Variants in PRIMA1 observed in about 807,000 individuals in gnomAD.
PRIMA1 encodes the protein proline-rich membrane anchor 1.
Under a neutral mutation model 17.5 loss-of-function variants are expected in PRIMA1, and 7 were observed. The observed-to-expected ratio is 0.40, with a 90% CI of 0.23 to 0.75. The LOEUF (loss-of-function observed/expected upper bound fraction) is 0.75. Among genes scored for constraint, PRIMA1 ranks in the 30% least tolerant of loss-of-function variants. The probability of loss-of-function intolerance (pLI) is 0.37; values close to 1 mark genes in which losing one functional copy is unlikely to be tolerated. For missense variants in PRIMA1, 200 were observed against 201.8 expected, an observed-to-expected ratio of 0.99 and a Z score of 0.05; for synonymous variants, 97 against 77.9, an observed-to-expected ratio of 1.25 and a Z score of -1.29.
chr14:93,757,202 G>GGAAGGAA (rs1456428337), intron 3 of PRIMA1, among the ~76,000 whole-genome samples: 10 of 107,144 alleles, frequency 9.3e-5, no homozygotes, highest in African/African-American at 6.1e-4. Flanking sequence ...TTTAAAAAAA[G>GGAAGGAA]GAAGGAAGGA....
Position 93,787,859 on chromosome 14 carries a change from G to A in PRIMA1, c.-31-110C>T, listed in dbSNP as rs1461023964. The A allele has an allele frequency of 6.1e-6, 8 of 1,314,140 alleles. No individual in the cohort carries two copies. The East Asian group carries it at 1.0e-4, about 17-fold the overall frequency. The allele number at this position is 1,314,140 out of a possible 1,614,324, so 81.4% of individuals were successfully genotyped here. On this transcript the variant is annotated intron_variant, in intron 1 of 4. Transcript: ENST00000393140. Reference sequence around the variant, plus strand: ...CGGACGGGCACGCCCCGCACCCAGGGGCACCCTAGTAAACCAAGCCTGCAC... The same window carrying A: ...CGGACGGGCACGCCCCGCACCCAGGAGCACCCTAGTAAACCAAGCCTGCAC...
At chr14:93,759,537 A>G (rs1000647056) in intron 3 of PRIMA1, among the ~76,000 whole-genome samples, 18 of 151,880 alleles carry the variant, frequency 1.2e-4, no homozygotes, top group African/African-American at 4.4e-4. Context: ...GTGCATGTGT[A>G]TTGTGTGTGC....
At chr14:93,723,981 C>T (rs1028543431) in intron 4 of PRIMA1, among the ~76,000 whole-genome samples, 1 of 152,194 alleles carries the variant, frequency 6.6e-6, no homozygotes, top group African/African-American at 2.4e-5. Flanking sequence ...CACTCCTGAG[C>T]TCAAGTGATC....
chr14:93,735,975 C>T (rs1353036349), intron 4 of PRIMA1, among the ~76,000 whole-genome samples: 2 of 152,236 alleles, frequency 1.3e-5, no homozygotes, highest in Admixed American at 6.5e-5. Flanking sequence ...AGGCGTGAGC[C>T]ACCACACCTG....
At chr14:93,756,765 C>T (rs934301420) in intron 3 of PRIMA1, among the ~76,000 whole-genome samples, 1 of 152,148 alleles carries the variant, frequency 6.6e-6, no homozygotes, top group African/African-American at 2.4e-5. Context: ...TCCCCTGCCC[C>T]TCTCCTCCCC....
chr14:93,727,733 C>T (rs964287476), intron 4 of PRIMA1, among the ~76,000 whole-genome samples: 4 of 152,172 alleles, frequency 2.6e-5, no homozygotes, highest in African/African-American at 9.7e-5. Flanking sequence ...GTGGGCATGC[C>T]CTTGGACACC....
At chr14:93,743,543 C>G (rs2076197099) in intron 3 of PRIMA1, among the ~76,000 whole-genome samples, 1 of 152,236 alleles carries the variant, frequency 6.6e-6, no homozygotes, top group African/African-American at 2.4e-5. Flanking sequence ...TGTCTAGGAC[C>G]CCCCTGTGCC....
intron 4 of PRIMA1, among the ~76,000 whole-genome samples, chr14:93,725,421 G>A: frequency 6.6e-6 from 1 of 152,134 alleles, no homozygotes; most frequent in Admixed American, 6.5e-5. Flanking sequence ...CATGGAAGCT[G>A]GGTGTTCCCT....
At chr14:93,750,766 G>T (rs1422486880) in intron 3 of PRIMA1, among the ~76,000 whole-genome samples, 10 of 152,144 alleles carry the variant, frequency 6.6e-5, no homozygotes, top group Admixed American at 6.5e-4. Context: ...CCACAAATTT[G>T]TATTTTGCAA....
At chr14:93,782,279 A>ATACGTAC (rs1225135581) in intron 2 of PRIMA1, among the ~76,000 whole-genome samples, 4 of 150,624 alleles carry the variant, frequency 2.7e-5, no homozygotes, top group Non-Finnish European at 5.9e-5. Flanking sequence ...AAAATAAATA[A>ATACGTAC]ATAAATAAAT....
chr14:93,728,367 T>C (rs903174053), intron 4 of PRIMA1, among the ~76,000 whole-genome samples: 2 of 152,040 alleles, frequency 1.3e-5, no homozygotes, highest in African/African-American at 4.8e-5. Context: ...GGCTGACAGG[T>C]CAGCGAGGTC....
chr14:93,743,131 T>C (rs2076194374), intron 3 of PRIMA1, among the ~76,000 whole-genome samples: 1 of 152,178 alleles, frequency 6.6e-6, no homozygotes, highest in South Asian at 2.1e-4. Context: ...GGTTTTAAAA[T>C]TGCTTCTCCA....
rs543251256 is a variant in PRIMA1 at position 93,720,254 on chromosome 14, G to A, written c.*1190C>T. On this transcript the variant is annotated 3_prime_UTR_variant, in exon 5 of 5. Coordinates refer to ENST00000393140, the MANE Select transcript of PRIMA1 (RefSeq NM_178013.4). Reference sequence around the variant, plus strand: ...GGCCCACAGGGAAGGCTGCCACTTGGGAGACAGGCCAACAGGGCAGGGGTC... The same window carrying A: ...GGCCCACAGGGAAGGCTGCCACTTGAGAGACAGGCCAACAGGGCAGGGGTC... The A allele has an allele frequency of 6.4e-4, 98 of 152,338 alleles. No individual in the cohort carries two copies. Among genetic ancestry groups the A allele is most frequent in the African/African-American group, 2.3e-3 (95 of 41,554 alleles). The allele number at this position is 152,338 out of a possible 1,614,324, so 9.4% of individuals were successfully genotyped here. A position where few individuals can be genotyped will look rare whatever the true frequency, so the allele number is the denominator to read the frequency against.
chr14:93,759,851 C>T (rs2076316065), intron 3 of PRIMA1, among the ~76,000 whole-genome samples: 1 of 152,202 alleles, frequency 6.6e-6, no homozygotes, highest in South Asian at 2.1e-4. Context: ...TGGTGTTCAC[C>T]ACCCTGCCCT....
At chr14:93,727,889 G>T (rs572829573) in intron 4 of PRIMA1, among the ~76,000 whole-genome samples, 2 of 152,322 alleles carry the variant, frequency 1.3e-5, no homozygotes, top group South Asian at 2.1e-4. Flanking sequence ...TTCCAGGAGA[G>T]ACCTGCCCTG....
At chr14:93,785,510 C>T (rs563591760) in intron 2 of PRIMA1, among the ~76,000 whole-genome samples, 2 of 152,270 alleles carry the variant, frequency 1.3e-5, no homozygotes, top group East Asian at 3.9e-4. Context: ...GTTCTTCTGG[C>T]AAAATGCTCA....
intron 3 of PRIMA1, among the ~76,000 whole-genome samples, chr14:93,757,341 C>T (rs1444562015): frequency 6.6e-6 from 1 of 152,240 alleles, no homozygotes; most frequent in Non-Finnish European, 1.5e-5. Flanking sequence ...CCCGCCGATC[C>T]GTTCCCTTCG....
intron 3 of PRIMA1, among the ~76,000 whole-genome samples, chr14:93,745,548 C>T (rs937592963): frequency 1.3e-5 from 2 of 152,362 alleles, no homozygotes; most frequent in Admixed American, 6.5e-5. Flanking sequence ...GGCCTCCTTG[C>T]CCCACGCTCC....
chr14:93,748,589 CT>C (rs1434587531), intron 3 of PRIMA1, among the ~76,000 whole-genome samples: 2 of 152,058 alleles, frequency 1.3e-5, no homozygotes, highest in African/African-American at 4.8e-5. Flanking sequence ...CTCTGCCCCC[CT>C]GGCTGGTGGC....
Sources: gnomAD v4.1 joint callset for allele counts (sites outside exome capture counted in the v4.1 genomes callset) on GRCh38, gnomAD v4.1.1 for gene constraint, MANE v1.5 for transcripts, NCBI Gene and HGNC (gene_info 2026-07-23, HGNC 2026-07-21) for gene names.